The following TBC1D14 variants were observed in gnomAD, a reference collection of about 807,000 sequenced individuals.
The protein encoded by TBC1D14 is TBC1 domain family, member 14.
In TBC1D14, 26 loss-of-function variants were observed where a neutral mutation model predicts 79.0. The observed-to-expected ratio is 0.33, with a 90% CI of 0.24 to 0.46. TBC1D14 has a LOEUF of 0.46. Among genes scored for constraint, TBC1D14 ranks in the 20% least tolerant of loss-of-function variants. The pLI is 1.00. For missense variants in TBC1D14, 769 were observed against 887.6 expected (o/e 0.87, Z 1.70); for synonymous variants, 394 against 349.9 (o/e 1.13, Z -1.40).
intron 9 of TBC1D14, among the ~76,000 whole-genome samples, chr4:7,007,010 C>G (rs1361770492): frequency 6.6e-6 from 1 of 152,130 alleles, no homozygotes; most frequent in African/African-American, 2.4e-5. Flanking sequence ...TGAGAGGGTC[C>G]CCATGGGTGG....
chr4:6,944,096 T>A (rs1278453915), intron 2 of TBC1D14, among the ~76,000 whole-genome samples: 3 of 152,174 alleles, frequency 2.0e-5, no homozygotes, highest in Non-Finnish European at 2.9e-5. Context: ...AAAGCTTCTC[T>A]TTGTTTAAAA....
At position 6,930,379 on chromosome 4, in the gene TBC1D14, G is replaced by A. The variant is rs568295985; in HGVS notation, c.722+6268G>A. On this transcript the variant is annotated intron_variant, in intron 2 of 13. Transcript: ENST00000409757. ...TGGTGGCCTTTGTGGGCTGGCCATCGACAGGGGAGGGAGATACAGTAGAAT... is the reference window on the plus strand; with the variant it reads ...TGGTGGCCTTTGTGGGCTGGCCATCAACAGGGGAGGGAGATACAGTAGAAT... Among the ~76,000 whole-genome samples the A allele has an allele frequency of 3.5e-4, 53 of 152,310 alleles. 1 individual carries two copies. Among genetic ancestry groups the A allele is most frequent in the African/African-American group, 1.2e-3 (49 of 41,576 alleles).
intron 2 of TBC1D14, among the ~76,000 whole-genome samples, chr4:6,951,029 C>T (rs1220521922): frequency 6.6e-6 from 1 of 152,198 alleles, no homozygotes; most frequent in African/African-American, 2.4e-5. Flanking sequence ...GTGGCTCATG[C>T]CTGGAATCCC....
At chr4:7,001,030 G>T (rs1290346209) in intron 6 of TBC1D14, 115 bp from the exon 7 acceptor site, 23 of 767,724 alleles carry the variant, frequency 3.0e-5, no homozygotes, top group Middle Eastern at 3.5e-4. Context: ...GAGGGCAGGG[G>T]CTGTGCCTGA....
chr4:6,952,365 C>G (rs55740475), intron 2 of TBC1D14, among the ~76,000 whole-genome samples: 20,319 of 152,126 alleles, frequency 0.13, 1,872 homozygotes, highest in African/African-American at 0.26. Flanking sequence ...AGGGTTTGAT[C>G]GTATTCATTA....
At chr4:6,921,347 C>T (rs975294422) in intron 1 of TBC1D14, among the ~76,000 whole-genome samples, 3 of 151,522 alleles carry the variant, frequency 2.0e-5, no homozygotes, top group Admixed American at 6.6e-5. Context: ...TAGCTAGGAC[C>T]ACAGACGTGC....
chr4:7,032,753 T>C lies in TBC1D14; in HGVS notation c.*2361T>C, dbSNP rs1723175609. The C allele has an allele frequency of 6.6e-6, 1 of 152,220 alleles. No individual in the cohort carries two copies. The highest frequency in any genetic ancestry group is 2.1e-4 in the South Asian group (1 of 4,834). The allele number at this position is 152,220 out of a possible 1,614,324, so 9.4% of individuals were successfully genotyped here. A position where few individuals can be genotyped will look rare whatever the true frequency, so the allele number is the denominator to read the frequency against. On this transcript the variant is annotated 3_prime_UTR_variant, in exon 14 of 14. Coordinates refer to ENST00000409757, the MANE Select transcript of TBC1D14 (RefSeq NM_020773.3). The stretch of plus-strand genomic sequence containing the variant: ...GTTTAAGTAAACTGGAAATGAGACA[T>C]TGACGTGCTGCTCCTCCAGAGGTCT...
At chr4:7,005,212 C>G (rs1383812945) in intron 8 of TBC1D14, among the ~76,000 whole-genome samples, 1 of 151,864 alleles carries the variant, frequency 6.6e-6, no homozygotes, top group Non-Finnish European at 1.5e-5. Context: ...CCAGCCTGGC[C>G]AACATGGTGA....
intron 1 of TBC1D14, among the ~76,000 whole-genome samples, chr4:6,912,280 C>T (rs1334039831): frequency 6.6e-6 from 1 of 151,178 alleles, no homozygotes; most frequent in Admixed American, 6.6e-5. Context: ...CTTGGGAGGC[C>T]GAGGCAGGAG....
intron 2 of TBC1D14, among the ~76,000 whole-genome samples, chr4:6,934,665 C>A (rs13125324): frequency 0.64 from 95,916 of 148,932 alleles, 31,149 homozygotes; most frequent in South Asian, 0.79. Context: ...CTCAAAAAAA[C>A]AAAAAAGGAA....
intron 2 of TBC1D14, among the ~76,000 whole-genome samples, chr4:6,965,110 G>T (rs1160283152): frequency 6.6e-6 from 1 of 151,894 alleles, no homozygotes; most frequent in African/African-American, 2.4e-5. Context: ...ATCCAATGTT[G>T]TTGTCAAATC....
chr4:7,004,845 G>C lies in TBC1D14; in HGVS notation c.1272G>C (p.Glu424Asp), dbSNP rs778536817. Residue 424 changes from glutamate (E) to aspartate (D), a missense_variant and splice_region_variant, in exon 8 of 14, where the codon GAG (glutamate) becomes GAC (aspartate). Around this residue, in one of 2 missense-constraint regions of TBC1D14, gnomAD observed 367 missense variants for 494.4 expected, o/e 0.74. Transcript: ENST00000409757. The part of the protein sequence containing the change: ...AIGNELNITH[E>D]LFDICLARAK... ...CTTACCCAGAGGCTTTTCTTCCAGA[G>C]CTCTTTGACATCTGTCTTGCCCGAG... 6.2e-7 allele frequency: 1 copy of C among 1,614,122 alleles called. No homozygotes were observed. Among genetic ancestry groups the C allele is most frequent in the Non-Finnish European group, 8.5e-7 (1 of 1,179,992 alleles).
intron 4 of TBC1D14, 54 bp from the exon 5 acceptor site, chr4:6,996,271 A>C: frequency 6.9e-7 from 1 of 1,447,512 alleles, no homozygotes; most frequent in South Asian, 1.2e-5. Context: ...GTTTTTTCTG[A>C]AAGACTTCTA....
chr4:6,937,117 G>A (rs1397483030), intron 2 of TBC1D14, among the ~76,000 whole-genome samples: 1 of 152,126 alleles, frequency 6.6e-6, no homozygotes, highest in Non-Finnish European at 1.5e-5. Context: ...GGATTTCTCT[G>A]TATTGGTCAG....
At chr4:6,925,981 A>G (rs1724263853) in intron 2 of TBC1D14, among the ~76,000 whole-genome samples, 2 of 152,210 alleles carry the variant, frequency 1.3e-5, no homozygotes, top group Admixed American at 6.5e-5. Context: ...GGGAAACAGC[A>G]TGGTGGAAGG....
chr4:7,010,606 A>G (rs1720655666), intron 10 of TBC1D14, 47 bp from the exon 11 acceptor site: 1 of 1,595,270 alleles, frequency 6.3e-7, no homozygotes, highest in Non-Finnish European at 8.5e-7. Flanking sequence ...CACTACGGTG[A>G]CCCTGTGGCC....
intron 1 of TBC1D14, among the ~76,000 whole-genome samples, chr4:6,915,970 C>CA (rs1402616145): frequency 6.7e-6 from 1 of 149,776 alleles, no homozygotes; most frequent in Non-Finnish European, 1.5e-5. Flanking sequence ...AAAAAAAATG[C>CA]AAAAAATTAG....
At chr4:6,975,210 G>A (rs920592278) in intron 3 of TBC1D14, among the ~76,000 whole-genome samples, 6 of 148,566 alleles carry the variant, frequency 4.0e-5, no homozygotes, top group Admixed American at 6.8e-5. Flanking sequence ...CGCCGCGCCC[G>A]GCCTGTTTTT....
At position 6,924,170 on chromosome 4, in the gene TBC1D14, G is replaced by GT. The variant is rs904026744; in HGVS notation, c.722+61dup. 1.9e-4 allele frequency: 297 copies of GT among 1,531,700 alleles called. 1 individual carries two copies. The Middle Eastern group carries it at 2.5e-3, about 13-fold the overall frequency. 94.9% of individuals were successfully genotyped at this position (1,531,700 alleles called of 1,614,324 possible). A position where few individuals can be genotyped will look rare whatever the true frequency, so the allele number is the denominator to read the frequency against. ...TGGTTGAGTCCAGACCAGTCTCCTT[G>GT]TTCCTGTCTCAAATGTGTTGTGTGT... is the stretch of plus-strand genomic sequence containing the variant. On this transcript the variant is annotated intron_variant, in intron 2 of 13. Coordinates refer to ENST00000409757, the MANE Select transcript of TBC1D14 (RefSeq NM_020773.3).
Sources: gnomAD v4.1 joint callset for allele counts (sites outside exome capture counted in the v4.1 genomes callset) on GRCh38, gnomAD v4.1.1 for gene constraint, gnomAD v4.1.1 regional missense constraint, MANE v1.5 for transcripts, NCBI Gene and HGNC (gene_info 2026-07-23, HGNC 2026-07-21) for gene names.